Variants in BMERB1 observed in about 807,000 individuals in gnomAD.
The protein encoded by BMERB1 is bMERB domain containing 1.
BMERB1 carries 12 observed loss-of-function variants against 23.6 expected under a neutral mutation model. That is an observed-to-expected ratio of 0.51 (90% CI 0.33 to 0.82). BMERB1 has a LOEUF of 0.82. Ranked by LOEUF, BMERB1 falls within the 40% of genes least tolerant of loss-of-function variation. The probability of loss-of-function intolerance (pLI) is 0.03; values close to 1 mark genes in which losing one functional copy is unlikely to be tolerated. For missense variants in BMERB1, 247 were observed against 255.4 expected, an observed-to-expected ratio of 0.97 and a Z score of 0.22; for synonymous variants, 122 against 96.6, an observed-to-expected ratio of 1.26 and a Z score of -1.54.
intron 2 of BMERB1, among the ~76,000 whole-genome samples, chr16:15,555,775 T>A (rs1451461900): frequency 6.6e-6 from 1 of 152,226 alleles, no homozygotes; most frequent in Admixed American, 6.5e-5. Context: ...CCTGGACACT[T>A]ATCAACACTT....
chr16:15,477,224 G>A (rs1390587140), intron 1 of BMERB1, among the ~76,000 whole-genome samples: 3 of 152,122 alleles, frequency 2.0e-5, no homozygotes, highest in African/African-American at 4.8e-5. Flanking sequence ...TCTTCATAGG[G>A]CGGCAGGAGA....
intron 1 of BMERB1, among the ~76,000 whole-genome samples, chr16:15,496,199 G>A (rs1467286346): frequency 6.6e-6 from 1 of 152,112 alleles, no homozygotes; most frequent in Non-Finnish European, 1.5e-5. Context: ...TGGTGATAGT[G>A]ATAGTGGTGA....
intron 2 of BMERB1, among the ~76,000 whole-genome samples, chr16:15,542,621 CCTCCTAGGGATTT>C (rs1446395456): frequency 1.3e-5 from 2 of 150,116 alleles, no homozygotes; most frequent in African/African-American, 2.5e-5. Context: ...TAATGAATTA[CCTCCTAGGGATTT>C]TTTTTTTTTT....
intron 2 of BMERB1, among the ~76,000 whole-genome samples, chr16:15,559,419 C>A (rs930384749): frequency 1.3e-5 from 2 of 152,042 alleles, no homozygotes; most frequent in Non-Finnish European, 2.9e-5. Context: ...GGAGACAACA[C>A]GGTGAAATTG....
intron 1 of BMERB1, among the ~76,000 whole-genome samples, chr16:15,501,061 A>C (rs142292024): frequency 6.6e-6 from 1 of 152,192 alleles, no homozygotes; most frequent in Admixed American, 6.5e-5. Context: ...TATATTGATT[A>C]CATTTTGAAC....
At chr16:15,496,584 C>T (rs979326497) in intron 1 of BMERB1, among the ~76,000 whole-genome samples, 16 of 151,658 alleles carry the variant, frequency 1.1e-4, no homozygotes, top group Admixed American at 1.1e-3. Context: ...TGTCACCCAG[C>T]CTGGAGTGCA....
At chr16:15,508,374 C>G (rs146529416) in intron 1 of BMERB1, among the ~76,000 whole-genome samples, 1 of 152,248 alleles carries the variant, frequency 6.6e-6, no homozygotes, top group Non-Finnish European at 1.5e-5. Context: ...CAGGGAGTCT[C>G]TGTGGCAACT....
At chr16:15,496,467 C>G (rs1475475602) in intron 1 of BMERB1, among the ~76,000 whole-genome samples, 2 of 152,138 alleles carry the variant, frequency 1.3e-5, no homozygotes, top group African/African-American at 4.8e-5. Context: ...AACTCACTTA[C>G]CAGCCACACA....
At chr16:15,514,868 C>G (rs1219735668) in intron 1 of BMERB1, among the ~76,000 whole-genome samples, 1 of 152,140 alleles carries the variant, frequency 6.6e-6, no homozygotes, top group Non-Finnish European at 1.5e-5. Flanking sequence ...ATCACAAGGT[C>G]AGGAGATCGA....
chr16:15,453,138 C>T lies in BMERB1; in HGVS notation c.106+18379C>T, dbSNP rs545903053. Among the ~76,000 whole-genome samples the T allele has an allele frequency of 7.2e-4, 109 of 152,224 alleles. 2 individuals carry two copies. In the South Asian group the frequency reaches 0.022, roughly 31 times the overall value. On this transcript the variant is annotated intron_variant, in intron 1 of 5. Coordinates refer to ENST00000300006, the MANE Select transcript of BMERB1 (RefSeq NM_033201.3). ...AGTGAGCTGAGATCGCACCACTGCACAACTACCTGGGCAACAGCACGAGAC... is the reference window on the plus strand; with the variant it reads ...AGTGAGCTGAGATCGCACCACTGCATAACTACCTGGGCAACAGCACGAGAC...
intron 1 of BMERB1, among the ~76,000 whole-genome samples, chr16:15,487,415 G>T (rs1448140807): frequency 6.6e-6 from 1 of 152,104 alleles, no homozygotes; most frequent in Non-Finnish European, 1.5e-5. Context: ...TTTTAGGGCA[G>T]GAGTCTGTGA....
intron 2 of BMERB1, among the ~76,000 whole-genome samples, chr16:15,548,854 A>T (rs953153397): frequency 1.3e-5 from 2 of 152,132 alleles, no homozygotes; most frequent in Non-Finnish European, 2.9e-5. Flanking sequence ...GTGATGGTAG[A>T]TAGGTGATGG....
chr16:15,574,898 C>G (rs1040847452), intron 3 of BMERB1, among the ~76,000 whole-genome samples: 1 of 152,016 alleles, frequency 6.6e-6, no homozygotes, highest in Non-Finnish European at 1.5e-5. Flanking sequence ...GCCAACATGG[C>G]GAGACCCCCG....
chr16:15,466,383 T>C (rs1029490583), intron 1 of BMERB1, among the ~76,000 whole-genome samples: 14 of 152,226 alleles, frequency 9.2e-5, no homozygotes, highest in African/African-American at 2.9e-4. Flanking sequence ...GAATTTCCTC[T>C]TCTGTGAATC....
intron 2 of BMERB1, among the ~76,000 whole-genome samples, chr16:15,542,085 A>G (rs2052090214): frequency 7.7e-6 from 1 of 130,460 alleles, no homozygotes; most frequent in Admixed American, 7.8e-5. Context: ...TTTTTTTGAG[A>G]CGGAGTCTCA....
At chr16:15,550,530 G>C (rs887898370) in intron 2 of BMERB1, among the ~76,000 whole-genome samples, 1 of 150,400 alleles carries the variant, frequency 6.6e-6, no homozygotes, top group African/African-American at 2.5e-5. Context: ...TAGAGACGGG[G>C]TTTCACCGTA....
chr16:15,516,576 C>A (rs995532875), intron 2 of BMERB1, among the ~76,000 whole-genome samples: 1 of 152,006 alleles, frequency 6.6e-6, no homozygotes, highest in African/African-American at 2.4e-5. Context: ...GGAAAATTCC[C>A]TGCGCTGCCT....
At chr16:15,459,551 T>A (rs1161412447) in intron 1 of BMERB1, among the ~76,000 whole-genome samples, 2 of 152,174 alleles carry the variant, frequency 1.3e-5, no homozygotes, top group Admixed American at 1.3e-4. Flanking sequence ...TTTATAGTGA[T>A]AAAAACAACA....
In BMERB1 at chr16:15,586,836, C is replaced by T. The variant is rs768885184; in HGVS notation, c.*7C>T. ...CCAGTGCAACATCATGTAGCCCCCA[C>T]GTGGGGTGCCCTGGGCCATGGGGAC... is the stretch of plus-strand genomic sequence containing the variant. On this transcript the variant is annotated 3_prime_UTR_variant, in exon 6 of 6. Transcript: ENST00000300006. The T allele has an allele frequency of 7.6e-6, 12 of 1,582,938 alleles. No individual in the cohort carries two copies. Among genetic ancestry groups the T allele is most frequent in the East Asian group, 4.6e-5 (2 of 43,832 alleles).
Sources: allele counts gnomAD v4.1 joint callset (sites outside exome capture counted in the v4.1 genomes callset), GRCh38; gene constraint gnomAD v4.1.1; transcripts MANE v1.5; gene names NCBI Gene and HGNC (gene_info 2026-07-23, HGNC 2026-07-21).